GALNT1: variants seen among roughly 807,000 people sequenced by gnomAD.
GALNT1 encodes polypeptide N-acetylgalactosaminyltransferase 1.
Under a neutral mutation model 65.7 loss-of-function variants are expected in GALNT1, and 17 were observed. The observed-to-expected ratio is 0.26, with a 90% confidence interval of 0.18 to 0.39. The LOEUF (loss-of-function observed/expected upper bound fraction) is 0.39, where lower values mean the gene tolerates loss of function less well. GALNT1 is among the 10% of genes least tolerant of loss of function. The pLI, the probability that GALNT1 is intolerant of heterozygous loss-of-function variation, is 1.00. For synonymous variants in GALNT1, 210 were observed against 219.7 expected, an observed-to-expected ratio of 0.96 and a Z score of 0.39; for missense variants, 460 against 672.8, an observed-to-expected ratio of 0.68 and a Z score of 3.50.
At chr18:35,601,036 G>A (rs1427520340) in intron 1 of GALNT1, among the ~76,000 whole-genome samples, 2 of 152,024 alleles carry the variant, frequency 1.3e-5, no homozygotes, top group Non-Finnish European at 2.9e-5. Flanking sequence ...CATCTTTTAA[G>A]TGTTTGGTAG....
chr18:35,650,738 CTTTAAGG>C (rs943308480), intron 1 of GALNT1, among the ~76,000 whole-genome samples: 7 of 152,304 alleles, frequency 4.6e-5, no homozygotes, highest in African/African-American at 1.7e-4. Context: ...GGCAGCCAGA[CTTTAAGG>C]TTATCTTCCT....
At chr18:35,604,496 G>A (rs997969539) in intron 1 of GALNT1, among the ~76,000 whole-genome samples, 1 of 152,198 alleles carries the variant, frequency 6.6e-6, no homozygotes, top group African/African-American at 2.4e-5. Flanking sequence ...TCTCCAAGCT[G>A]CTTTCCACAG....
At chr18:35,619,184 T>C (rs1214393716) in intron 1 of GALNT1, among the ~76,000 whole-genome samples, 2 of 152,170 alleles carry the variant, frequency 1.3e-5, no homozygotes, top group East Asian at 1.9e-4. Flanking sequence ...CATGCTAATA[T>C]ATGTTTTGTT....
chr18:35,666,756 A>G (rs1472157513), intron 3 of GALNT1, among the ~76,000 whole-genome samples: 3 of 152,166 alleles, frequency 2.0e-5, no homozygotes, highest in African/African-American at 4.8e-5. Context: ...TTGTGCACCA[A>G]GTTTCACACT....
chr18:35,618,463 T>G (rs2046812163), intron 1 of GALNT1, among the ~76,000 whole-genome samples: 1 of 152,148 alleles, frequency 6.6e-6, no homozygotes, highest in Non-Finnish European at 1.5e-5. Context: ...TGCAAAAAAT[T>G]TATCTTTTAG....
At chr18:35,612,079 G>C (rs1431936887) in intron 1 of GALNT1, among the ~76,000 whole-genome samples, 2 of 152,074 alleles carry the variant, frequency 1.3e-5, no homozygotes, top group Admixed American at 1.3e-4. Context: ...TAAAATATGA[G>C]CTCTAGCTTT....
At chr18:35,634,516 A>C (rs933532835) in intron 1 of GALNT1, among the ~76,000 whole-genome samples, 3 of 152,184 alleles carry the variant, frequency 2.0e-5, no homozygotes, top group Non-Finnish European at 4.4e-5. Flanking sequence ...GCAAACAGAC[A>C]CAAGCTTCCA....
intron 11 of GALNT1, among the ~76,000 whole-genome samples, chr18:35,706,321 A>T (rs1042155129): frequency 1.3e-5 from 2 of 151,950 alleles, no homozygotes; most frequent in African/African-American, 4.8e-5. Flanking sequence ...CCACAGTGAA[A>T]CCTCGTCTCT....
chr18:35,631,042 T>C (rs916927276), intron 1 of GALNT1, among the ~76,000 whole-genome samples: 6 of 152,156 alleles, frequency 3.9e-5, no homozygotes, highest in Non-Finnish European at 7.3e-5. Flanking sequence ...TAACAGGCTC[T>C]GAAATTGAGG....
chr18:35,630,014 A>G (rs1256727134), intron 1 of GALNT1, among the ~76,000 whole-genome samples: 1 of 152,272 alleles, frequency 6.6e-6, no homozygotes, highest in African/African-American at 2.4e-5. Flanking sequence ...TATCTTAAAT[A>G]TATATGCACC....
At chr18:35,603,499 C>T (rs1320131974) in intron 1 of GALNT1, among the ~76,000 whole-genome samples, 1 of 152,160 alleles carries the variant, frequency 6.6e-6, no homozygotes, top group African/African-American at 2.4e-5. Flanking sequence ...ATTTTGGTAA[C>T]ATCACTTCCT....
intron 5 of GALNT1, among the ~76,000 whole-genome samples, chr18:35,686,057 A>G (rs2047862744): frequency 6.6e-6 from 1 of 152,206 alleles, no homozygotes. Flanking sequence ...AACAGGAGTG[A>G]GACTCCATCT....
At chr18:35,637,926 C>T (rs2047112562) in intron 1 of GALNT1, among the ~76,000 whole-genome samples, 1 of 152,218 alleles carries the variant, frequency 6.6e-6, no homozygotes, top group Admixed American at 6.5e-5. Context: ...TCTGCCTCTG[C>T]TCTATACATG....
At chr18:35,707,838 T>C (rs1237352317) in intron 11 of GALNT1, among the ~76,000 whole-genome samples, 2 of 152,210 alleles carry the variant, frequency 1.3e-5, no homozygotes, top group Non-Finnish European at 2.9e-5. Flanking sequence ...TTCTGGTCTT[T>C]CCTGAGACTG....
chr18:35,674,117 C>G (rs2047672964), intron 3 of GALNT1, among the ~76,000 whole-genome samples: 1 of 152,270 alleles, frequency 6.6e-6, no homozygotes, highest in African/African-American at 2.4e-5. Flanking sequence ...GTATAGGGCA[C>G]TTACCATGAA....
intron 1 of GALNT1, among the ~76,000 whole-genome samples, chr18:35,589,839 A>G (rs1312922860): frequency 6.6e-6 from 1 of 152,244 alleles, no homozygotes; most frequent in Non-Finnish European, 1.5e-5. Context: ...AATTGCAAGA[A>G]AAATGAAATT....
intron 1 of GALNT1, among the ~76,000 whole-genome samples, chr18:35,627,123 C>T (rs995994572): frequency 6.6e-6 from 1 of 152,216 alleles, no homozygotes; most frequent in Non-Finnish European, 1.5e-5. Context: ...TGTCTTTGGC[C>T]TTCCCACCTG....
intron 1 of GALNT1, among the ~76,000 whole-genome samples, chr18:35,602,613 G>A (rs555411822): frequency 8.6e-5 from 13 of 151,688 alleles, no homozygotes; most frequent in Admixed American, 7.2e-4. Flanking sequence ...CATATTGTTC[G>A]GCTTGATCCA....
chr18:35,665,860 T>G (rs2047542618), intron 3 of GALNT1, among the ~76,000 whole-genome samples: 1 of 152,206 alleles, frequency 6.6e-6, no homozygotes. Flanking sequence ...GATAGGACGC[T>G]ACCATTTAAA....
Sources: allele counts gnomAD v4.1 joint callset (sites outside exome capture counted in the v4.1 genomes callset), GRCh38; gene constraint gnomAD v4.1.1; transcripts MANE v1.5; gene names NCBI Gene and HGNC (gene_info 2026-07-23, HGNC 2026-07-21).